CCDC7: variants seen among roughly 807,000 people sequenced by gnomAD.
CCDC7 encodes coiled-coil domain-containing protein 7.
Under a neutral mutation model 196.9 loss-of-function variants are expected in CCDC7, and 183 were observed. The ratio of observed to expected loss-of-function variants is 0.93; its 90% CI spans 0.82 to 1.05. CCDC7 has a LOEUF of 1.05. Among genes scored for constraint, CCDC7 ranks in the 50% least tolerant of loss-of-function variants. The probability of loss-of-function intolerance (pLI) is 0.00; values close to 1 mark genes in which losing one functional copy is unlikely to be tolerated. For missense variants in CCDC7, 1,540 were observed against 1,482.2 expected, an observed-to-expected ratio of 1.04 and a Z score of -0.64; for synonymous variants, 525 against 484.6, an observed-to-expected ratio of 1.08 and a Z score of -1.10.
At position 32,514,112 on chromosome 10, in the gene CCDC7, TAATG is replaced by T. The variant is rs1285565584; in HGVS notation, c.873-3825_873-3822del. The T allele has an allele frequency of 2.6e-5, 4 of 152,318 alleles. No homozygotes were observed. In the East Asian group the frequency reaches 5.8e-4, roughly 22 times the overall value. The allele number at this position is 152,318 out of a possible 1,614,324, so 9.4% of individuals were successfully genotyped here. On this transcript the variant is annotated intron_variant, in intron 9 of 41. Coordinates refer to ENST00000639629, the Ensembl canonical transcript of CCDC7. ...GAGTTCTGCTAAAACCTATTGGAAG[TAATG>T]AATGAATTCATCAAGGCTGCAATAT...
At chr10:32,503,513 T>C (rs1034326691) in intron 9 of CCDC7, among the ~76,000 whole-genome samples, 1 of 152,226 alleles carries the variant, frequency 6.6e-6, no homozygotes, top group Non-Finnish European at 1.5e-5. Flanking sequence ...ATCCCTTTAA[T>C]GTACTGTTAA....
At chr10:32,843,045 A>G (rs2093069495) in intron 33 of CCDC7, among the ~76,000 whole-genome samples, 1 of 151,964 alleles carries the variant, frequency 6.6e-6, no homozygotes, top group South Asian at 2.1e-4. Flanking sequence ...AAAGAACTTA[A>G]TCATGAAACC....
intron 37 of CCDC7, among the ~76,000 whole-genome samples, chr10:32,847,387 G>A (rs2093345072): frequency 6.6e-6 from 1 of 152,186 alleles, no homozygotes; most frequent in Non-Finnish European, 1.5e-5. Flanking sequence ...CTGTTTGTGA[G>A]AGTTCCAGGT....
intron 11 of CCDC7, among the ~76,000 whole-genome samples, chr10:32,533,493 T>C (rs1048923992): frequency 6.6e-6 from 1 of 152,136 alleles, no homozygotes; most frequent in Admixed American, 6.6e-5. Flanking sequence ...CAAGGCGTTT[T>C]ATACCTGGAA....
At position 32,554,241 on chromosome 10, in the gene CCDC7, G is replaced by A. The variant is rs1427287223; in HGVS notation, c.1134+9940G>A. ...CTTGAAAACTTGCTCCAAGCTACCC[G>A]CCTTCACAGCTGCGAAAGAAAAGGG... On this transcript the variant is annotated intron_variant, in intron 13 of 41. Transcript: ENST00000639629. Among the ~76,000 whole-genome samples the A allele has an allele frequency of 3.3e-5, 5 of 152,168 alleles. No homozygotes were observed. The East Asian group carries it at 7.7e-4, about 23-fold the overall frequency.
intron 8 of CCDC7, among the ~76,000 whole-genome samples, chr10:32,480,979 A>C (rs111951287): frequency 1.3e-5 from 2 of 151,952 alleles, no homozygotes; most frequent in East Asian, 1.9e-4. Context: ...ATTGCTGTCT[A>C]TCTCTCTCTT....
chr10:32,464,753 C>T (rs542645073), intron 5 of CCDC7, among the ~76,000 whole-genome samples: 1 of 152,274 alleles, frequency 6.6e-6, no homozygotes, highest in African/African-American at 2.4e-5. Flanking sequence ...TCATGCAATT[C>T]CCTTGCCTCC....
intron 28 of CCDC7, among the ~76,000 whole-genome samples, chr10:32,751,793 A>C (rs1565392021): frequency 1.3e-5 from 2 of 152,136 alleles, no homozygotes; most frequent in Non-Finnish European, 1.5e-5. Context: ...ATTATGACAC[A>C]TCAGTTGCAT....
exon 26 of CCDC7, chr10:32,726,761 A>T: frequency 6.2e-7 from 1 of 1,601,532 alleles, no homozygotes; most frequent in Non-Finnish European, 8.5e-7. Context: ...ATGTTTGTTC[A>T]TCAAGATTCA....
At chr10:32,796,226 T>G (rs1480625400) in intron 29 of CCDC7, among the ~76,000 whole-genome samples, 1 of 152,148 alleles carries the variant, frequency 6.6e-6, no homozygotes, top group East Asian at 1.9e-4. Context: ...TCTTGGATAT[T>G]GCTGGTCATA....
chr10:32,739,271 C>T (rs1235640224), intron 28 of CCDC7, among the ~76,000 whole-genome samples: 1 of 151,700 alleles, frequency 6.6e-6, no homozygotes, highest in African/African-American at 2.4e-5. Context: ...TCATTATGTA[C>T]GTATTATACC....
chr10:32,778,180 T>G (rs2080423734), intron 28 of CCDC7, among the ~76,000 whole-genome samples: 1 of 152,244 alleles, frequency 6.6e-6, no homozygotes, highest in Admixed American at 6.5e-5. Context: ...CAAAATATTT[T>G]TAGTTTAACT....
chr10:32,510,153 G>A (rs138791359), intron 9 of CCDC7, among the ~76,000 whole-genome samples: 2 of 152,254 alleles, frequency 1.3e-5, no homozygotes, highest in African/African-American at 4.8e-5. Context: ...GATATAATGT[G>A]CCTATGCATA....
At chr10:32,855,176 C>G (rs960793174) in intron 41 of CCDC7, among the ~76,000 whole-genome samples, 2 of 150,522 alleles carry the variant, frequency 1.3e-5, no homozygotes, top group East Asian at 3.9e-4. Context: ...ATTGAAATCC[C>G]AAATACTTTT....
chr10:32,657,796 TG>T (rs1338187841), intron 20 of CCDC7, among the ~76,000 whole-genome samples: 1 of 152,228 alleles, frequency 6.6e-6, no homozygotes, highest in Non-Finnish European at 1.5e-5. Flanking sequence ...GTTTTTCTTT[TG>T]TATTGCATCA....
intron 26 of CCDC7, among the ~76,000 whole-genome samples, chr10:32,727,818 C>A (rs2083345898): frequency 6.6e-6 from 1 of 152,098 alleles, no homozygotes; most frequent in Admixed American, 6.6e-5. Flanking sequence ...TGCCCTTATG[C>A]ATAAGTTTGA....
intron 18 of CCDC7, among the ~76,000 whole-genome samples, chr10:32,603,755 T>C (rs73255492): frequency 0.018 from 2,668 of 152,256 alleles, 85 homozygotes; most frequent in African/African-American, 0.061. Flanking sequence ...ATGTTGTCTT[T>C]AAGAAATGTC....
At chr10:32,847,110 G>C (rs1194851546) in intron 37 of CCDC7, among the ~76,000 whole-genome samples, 5 of 152,144 alleles carry the variant, frequency 3.3e-5, no homozygotes, top group Non-Finnish European at 4.4e-5. Context: ...CAAGGTACTG[G>C]ATGCATGTTC....
intron 41 of CCDC7, among the ~76,000 whole-genome samples, chr10:32,873,098 A>G (rs1024971621): frequency 2.0e-5 from 3 of 151,960 alleles, no homozygotes; most frequent in Admixed American, 1.3e-4. Flanking sequence ...TTGCTAGATT[A>G]GGGAAGTTCT....
Sources: allele counts gnomAD v4.1 joint callset (sites outside exome capture counted in the v4.1 genomes callset), GRCh38; gene constraint gnomAD v4.1.1; transcripts MANE v1.5; gene names NCBI Gene and HGNC (gene_info 2026-07-23, HGNC 2026-07-21).